The following DIS3L2 variants were observed in gnomAD, a reference collection of about 807,000 sequenced individuals.
DIS3L2 encodes DIS3 like 3'-5' exoribonuclease 2.
In DIS3L2, 34 loss-of-function variants were observed where a neutral mutation model predicts 97.5. The observed-to-expected ratio is 0.35, with a 90% CI of 0.27 to 0.46. DIS3L2 has a LOEUF of 0.46. DIS3L2 is among the 20% of genes least tolerant of loss of function. DIS3L2 has a pLI of 1.00. For synonymous variants in DIS3L2, 435 were observed against 445.2 expected (o/e 0.98, Z 0.29); for missense variants, 1,038 against 1,146.0 (o/e 0.91, Z 1.36).
chr2:232,200,174 A>G (rs546045524), intron 9 of DIS3L2, among the ~76,000 whole-genome samples: 2 of 152,312 alleles, frequency 1.3e-5, no homozygotes, highest in South Asian at 2.1e-4. Context: ...TAAGAACTTT[A>G]TGGTATTAGA....
chr2:232,341,706 C>T (rs538227376), downstream of DIS3L2, among the ~76,000 whole-genome samples: 11 of 152,134 alleles, frequency 7.2e-5, no homozygotes, highest in Admixed American at 2.0e-4. Flanking sequence ...ACTCTCTTTC[C>T]GCCTCTTCAA....
At chr2:232,183,538 T>G (rs565749443) in intron 9 of DIS3L2, among the ~76,000 whole-genome samples, 1 of 152,350 alleles carries the variant, frequency 6.6e-6, no homozygotes, top group East Asian at 1.9e-4. Flanking sequence ...TTCTTAAGTC[T>G]TTCTTGGGCA....
rs185563826 is a variant in DIS3L2 at position 232,120,545 on chromosome 2, A to G, written c.602-10074A>G. On this transcript the variant is annotated intron_variant, in intron 6 of 20. Coordinates refer to ENST00000325385, the MANE Select transcript of DIS3L2 (RefSeq NM_152383.5). ...TGACGGGCTCAATGACAAGCTACCA[A>G]TGGTTAGTTTGAATGCATTGAGCAC... Among the ~76,000 whole-genome samples the G allele has an allele frequency of 5.9e-5, 9 of 152,248 alleles. No homozygotes were observed. The South Asian group carries it at 1.5e-3, about 25-fold the overall frequency.
intron 5 of DIS3L2, among the ~76,000 whole-genome samples, chr2:232,086,673 G>GTGTC (rs1696658756): frequency 8.9e-6 from 1 of 112,474 alleles, no homozygotes; most frequent in Non-Finnish European, 1.7e-5. Context: ...GTGTGTGTGT[G>GTGTC]TGTGTATATA....
chr2:232,047,930 C>T (rs1383547859), intron 5 of DIS3L2, among the ~76,000 whole-genome samples: 1 of 152,178 alleles, frequency 6.6e-6, no homozygotes, highest in Non-Finnish European at 1.5e-5. Context: ...GAATAACATT[C>T]CATGTGTGGA....
intron 13 of DIS3L2, among the ~76,000 whole-genome samples, chr2:232,265,336 CCT>C (rs1229433423): frequency 1.3e-5 from 2 of 152,216 alleles, no homozygotes; most frequent in African/African-American, 4.8e-5. Flanking sequence ...ATACTCCCAC[CCT>C]GAGTGACCTC....
chr2:232,273,503 G>A (rs971697962), intron 13 of DIS3L2, among the ~76,000 whole-genome samples: 6 of 152,180 alleles, frequency 3.9e-5, no homozygotes, highest in Admixed American at 2.0e-4. Flanking sequence ...GAGCCAGGGC[G>A]GTTTTCTTTC....
chr2:232,004,950 G>A (rs942190198), intron 1 of DIS3L2, among the ~76,000 whole-genome samples: 2 of 152,050 alleles, frequency 1.3e-5, no homozygotes, highest in Non-Finnish European at 2.9e-5. Context: ...GTCATTTCAA[G>A]TGTCTTTTCC....
chr2:232,080,185 G>GGAGA (rs1182778668), intron 5 of DIS3L2, among the ~76,000 whole-genome samples: 1 of 152,164 alleles, frequency 6.6e-6, no homozygotes, highest in Non-Finnish European at 1.5e-5. Context: ...GGAATGAGAG[G>GGAGA]GAGAGGGTCA....
chr2:232,266,320 A>G lies in DIS3L2; in HGVS notation c.1659+2880A>G, dbSNP rs547895442. 2.0e-4 allele frequency among the ~76,000 whole-genome samples: 31 copies of G among 152,386 alleles called. No individual in the cohort carries two copies. In the South Asian group the frequency reaches 6.4e-3, roughly 32 times the overall value. On this transcript the variant is annotated intron_variant, in intron 13 of 20. Transcript: ENST00000325385. ...TATTGGCCTTCTCAATTTATCAGTT[A>G]GAGAGCTGAAGCCCCTAAAGGTTAA...
chr2:231,979,456 C>T (rs1693189704), intron 1 of DIS3L2, among the ~76,000 whole-genome samples: 1 of 152,076 alleles, frequency 6.6e-6, no homozygotes. Flanking sequence ...GGGGTTTCAC[C>T]ATGTTGCCCA....
At chr2:232,317,780 A>C (rs1289989156) in intron 14 of DIS3L2, among the ~76,000 whole-genome samples, 1 of 152,142 alleles carries the variant, frequency 6.6e-6, no homozygotes, top group African/African-American at 2.4e-5. Flanking sequence ...CTGAATTGTC[A>C]CTGAATTAAT....
intron 1 of DIS3L2, among the ~76,000 whole-genome samples, chr2:232,005,370 C>T (rs963481562): frequency 2.0e-5 from 3 of 152,088 alleles, no homozygotes; most frequent in Admixed American, 1.3e-4. Flanking sequence ...CAGCCTGAGA[C>T]TTGAAGAGTC....
chr2:232,088,204 T>C (rs1378672834), intron 6 of DIS3L2, among the ~76,000 whole-genome samples: 1 of 151,328 alleles, frequency 6.6e-6, no homozygotes, highest in African/African-American at 2.4e-5. Flanking sequence ...ATCGAGACCA[T>C]CCTGGCTAAC....
chr2:232,073,320 C>T (rs533045488), intron 5 of DIS3L2, among the ~76,000 whole-genome samples: 5 of 152,216 alleles, frequency 3.3e-5, no homozygotes, highest in East Asian at 1.9e-4. Flanking sequence ...GCTCTGAATC[C>T]GAGGCTCAGG....
At chr2:231,971,256 T>C (rs1343254731) in intron 1 of DIS3L2, among the ~76,000 whole-genome samples, 2 of 149,430 alleles carry the variant, frequency 1.3e-5, no homozygotes, top group African/African-American at 5.1e-5. Flanking sequence ...GGGTTTGGTG[T>C]ACAGTTTATT....
At chr2:232,329,785 T>TCCCCGGGCG in intron 14 of DIS3L2, 28 bp from the exon 15 acceptor site, 1 of 967,144 alleles carries the variant, frequency 1.0e-6, no homozygotes, top group Non-Finnish European at 1.5e-6. Flanking sequence ...ACCCCAGCGG[T>TCCCCGGGCG]CCCTCCCATC....
At chr2:232,001,233 C>T (rs76266529) in intron 1 of DIS3L2, among the ~76,000 whole-genome samples, 2,544 of 152,138 alleles carry the variant, frequency 0.017, 73 homozygotes, top group African/African-American at 0.058. Flanking sequence ...TTTGTGTTTT[C>T]GATAATAGCC....
intron 13 of DIS3L2, among the ~76,000 whole-genome samples, chr2:232,295,754 G>A (rs975324817): frequency 1.3e-5 from 2 of 152,072 alleles, no homozygotes; most frequent in South Asian, 2.1e-4. Flanking sequence ...CTGTCACCCC[G>A]ATCTCTGCCC....
Sources: gnomAD v4.1 joint callset for allele counts (sites outside exome capture counted in the v4.1 genomes callset) on GRCh38, gnomAD v4.1.1 for gene constraint, MANE v1.5 for transcripts, NCBI Gene and HGNC (gene_info 2026-07-23, HGNC 2026-07-21) for gene names.